Variants in PHF24 observed in about 807,000 individuals in gnomAD.
PHF24 encodes PHD finger protein 24, also known as Galpha inhibitory interacting protein.
Under a neutral mutation model 42.6 loss-of-function variants are expected in PHF24, and 25 were observed. That is an observed-to-expected ratio of 0.59 (90% CI 0.43 to 0.82). The LOEUF is 0.82. Ranked by LOEUF, PHF24 falls within the 40% of genes least tolerant of loss-of-function variation. PHF24 has a pLI of 0.00. For missense variants in PHF24, 470 were observed against 538.1 expected, an observed-to-expected ratio of 0.87 and a Z score of 1.25; for synonymous variants, 185 against 204.8, an observed-to-expected ratio of 0.90 and a Z score of 0.83.
chr9:34,940,085 G>C, the PHF24 span, among the ~76,000 whole-genome samples: 1 of 152,206 alleles, frequency 6.6e-6, no homozygotes, highest in Non-Finnish European at 1.5e-5. Flanking sequence ...GGCACAGAGG[G>C]AGGTGGGGGG....
At chr9:34,744,075 A>G in the PHF24 span, among the ~76,000 whole-genome samples, 8 of 152,232 alleles carry the variant, frequency 5.3e-5, no homozygotes, top group Admixed American at 5.2e-4. Flanking sequence ...ATTAGGCCTC[A>G]TCTCTTAATA....
At chr9:34,960,071 T>C (rs1050876086) in intron 1 of PHF24, among the ~76,000 whole-genome samples, 1 of 152,228 alleles carries the variant, frequency 6.6e-6, no homozygotes, top group Non-Finnish European at 1.5e-5. Flanking sequence ...CCAGACATAG[T>C]GTTGCCTCCT....
At chr9:34,669,075 T>C in the PHF24 span, among the ~76,000 whole-genome samples, 1 of 152,180 alleles carries the variant, frequency 6.6e-6, no homozygotes, top group Non-Finnish European at 1.5e-5. Context: ...TTGTCCCGCC[T>C]TTCCAGACTG....
At chr9:34,766,127 C>G in the PHF24 span, among the ~76,000 whole-genome samples, 2 of 152,152 alleles carry the variant, frequency 1.3e-5, no homozygotes, top group Non-Finnish European at 2.9e-5. Context: ...TCTGGCTACC[C>G]TTAATATTTT....
intron 1 of PHF24, among the ~76,000 whole-genome samples, chr9:34,959,413 G>A (rs1367706944): frequency 2.6e-5 from 4 of 152,202 alleles, no homozygotes; most frequent in African/African-American, 9.7e-5. Flanking sequence ...GAGAGGTTTA[G>A]CAATTTGCCC....
chr9:34,937,050 A>C, the PHF24 span, among the ~76,000 whole-genome samples: 1 of 138,034 alleles, frequency 7.2e-6, no homozygotes, highest in Admixed American at 7.1e-5. Flanking sequence ...CCCCCGGGCC[A>C]GCCGCCCCGT....
the PHF24 span, among the ~76,000 whole-genome samples, chr9:34,940,340 T>C: frequency 6.6e-6 from 1 of 152,026 alleles, no homozygotes; most frequent in South Asian, 2.1e-4. Context: ...CCCTGAATCC[T>C]GTAAGAGAGT....
the PHF24 span, among the ~76,000 whole-genome samples, chr9:34,842,952 CGT>C: frequency 1.3e-4 from 19 of 151,972 alleles, no homozygotes; most frequent in African/African-American, 4.4e-4. Flanking sequence ...GGTTTTAATC[CGT>C]GTTTCTCTAA....
At chr9:34,716,806 C>T in the PHF24 span, among the ~76,000 whole-genome samples, 3 of 152,204 alleles carry the variant, frequency 2.0e-5, no homozygotes, top group Non-Finnish European at 2.9e-5. Flanking sequence ...GGGGGTTTCA[C>T]CATATTGCCC....
At chr9:34,687,459 G>A in the PHF24 span, among the ~76,000 whole-genome samples, 1 of 152,116 alleles carries the variant, frequency 6.6e-6, no homozygotes, top group Non-Finnish European at 1.5e-5. Flanking sequence ...CTGGATCTCC[G>A]GGTGCAGAGT....
chr9:34,672,376 T>A, the PHF24 span, among the ~76,000 whole-genome samples: 1 of 152,240 alleles, frequency 6.6e-6, no homozygotes, highest in Non-Finnish European at 1.5e-5. Flanking sequence ...TATAAAAATT[T>A]AGGCTTAAGG....
the PHF24 span, among the ~76,000 whole-genome samples, chr9:34,878,928 C>CCCCAGTAGCCTAACTGGGAGACACCT: frequency 6.6e-6 from 1 of 152,216 alleles, no homozygotes; most frequent in Admixed American, 6.5e-5. Flanking sequence ...AAGTGGGTCC[C>CCCCAGTAGCCTAACTGGGAGACACCT]CCCAGTAGCC....
At chr9:34,681,744 G>T in the PHF24 span, among the ~76,000 whole-genome samples, 1 of 152,310 alleles carries the variant, frequency 6.6e-6, no homozygotes, top group Admixed American at 6.5e-5. Context: ...CCAGGAGTTG[G>T]AGATTGCATT....
At chr9:34,772,475 T>C in the PHF24 span, among the ~76,000 whole-genome samples, 1 of 152,122 alleles carries the variant, frequency 6.6e-6, no homozygotes, top group Non-Finnish European at 1.5e-5. Flanking sequence ...CAAAAATCTT[T>C]TATGGAGTAA....
the PHF24 span, chr9:34,709,654 C>T: frequency 6.2e-7 from 1 of 1,614,144 alleles, no homozygotes; most frequent in Non-Finnish European, 8.5e-7. Context: ...GCACATAGCT[C>T]TGCCTGAGAG....
At chr9:34,732,124 A>T in the PHF24 span, among the ~76,000 whole-genome samples, 2 of 151,714 alleles carry the variant, frequency 1.3e-5, no homozygotes, top group Non-Finnish European at 2.9e-5. Context: ...GGCCTCCTAA[A>T]GTGTTGGGGT....
At chr9:34,717,513 G>T in the PHF24 span, among the ~76,000 whole-genome samples, 1 of 152,158 alleles carries the variant, frequency 6.6e-6, no homozygotes, top group East Asian at 1.9e-4. Context: ...GGGTGTGTAG[G>T]TGAAGGATGA....
chr9:34,685,792 A>G, the PHF24 span, among the ~76,000 whole-genome samples: 4 of 152,204 alleles, frequency 2.6e-5, no homozygotes, highest in East Asian at 7.7e-4. Flanking sequence ...ACCCAAAAGT[A>G]GTGGCTTTCC....
the PHF24 span, among the ~76,000 whole-genome samples, chr9:34,823,530 A>T: frequency 2.5e-3 from 382 of 152,176 alleles, 2 homozygotes; most frequent in Middle Eastern, 0.037. Flanking sequence ...CTAAGCCCCT[A>T]CCTGTCACCT....
Sources: allele counts gnomAD v4.1 joint callset (sites outside exome capture counted in the v4.1 genomes callset), GRCh38; gene constraint gnomAD v4.1.1; transcripts MANE v1.5; gene names NCBI Gene and HGNC (gene_info 2026-07-23, HGNC 2026-07-21).